REDIC1: variants seen among roughly 807,000 people sequenced by gnomAD.
REDIC1 encodes regulator of DNA class I crossover intermediates 1.
At chr12:39,816,048 G>A in the REDIC1 span, among the ~76,000 whole-genome samples, 1 of 152,078 alleles carries the variant, frequency 6.6e-6, no homozygotes. Context: ...AAATCCTAAC[G>A]GTAACATTTA....
the REDIC1 span, among the ~76,000 whole-genome samples, chr12:39,781,604 A>G: frequency 6.6e-6 from 1 of 152,248 alleles, no homozygotes; most frequent in African/African-American, 2.4e-5. Flanking sequence ...TAAGGAGAGA[A>G]TGAATAAGTC....
chr12:39,659,150 G>A, the REDIC1 span, among the ~76,000 whole-genome samples: 2 of 151,922 alleles, frequency 1.3e-5, no homozygotes, highest in Admixed American at 6.5e-5. Context: ...TTGACTTGGT[G>A]TAGTTTCCAA....
the REDIC1 span, among the ~76,000 whole-genome samples, chr12:39,896,694 G>T: frequency 2.0e-5 from 3 of 151,744 alleles, no homozygotes; most frequent in African/African-American, 7.3e-5. Context: ...CTCGTTATCT[G>T]CAATTTAAGA....
At chr12:39,808,929 T>C in the REDIC1 span, among the ~76,000 whole-genome samples, 1 of 152,044 alleles carries the variant, frequency 6.6e-6, no homozygotes, top group South Asian at 2.1e-4. Flanking sequence ...TGAACTCCAA[T>C]ATATCAATTT....
chr12:39,873,953 A>C, the REDIC1 span, among the ~76,000 whole-genome samples: 1 of 152,198 alleles, frequency 6.6e-6, no homozygotes, highest in Non-Finnish European at 1.5e-5. Context: ...TTAAGTACCT[A>C]GTGTATAAGC....
At chr12:39,666,608 T>C in the REDIC1 span, among the ~76,000 whole-genome samples, 1 of 152,250 alleles carries the variant, frequency 6.6e-6, no homozygotes, top group African/African-American at 2.4e-5. Flanking sequence ...ATTCCCTCTT[T>C]TTCTACTGAT....
the REDIC1 span, among the ~76,000 whole-genome samples, chr12:39,810,539 C>T: frequency 6.6e-6 from 1 of 152,102 alleles, no homozygotes; most frequent in African/African-American, 2.4e-5. Flanking sequence ...TAAGAGTAGA[C>T]ATTCTCACCT....
the REDIC1 span, among the ~76,000 whole-genome samples, chr12:39,645,167 C>T: frequency 5.3e-5 from 8 of 151,948 alleles, no homozygotes; most frequent in African/African-American, 1.9e-4. Context: ...CTGAGAGTAA[C>T]CTTCCTGCTT....
At chr12:39,760,217 C>G in the REDIC1 span, 1 of 1,612,462 alleles carries the variant, frequency 6.2e-7, no homozygotes, top group Non-Finnish European at 8.5e-7. Flanking sequence ...AAAAGGAGTC[C>G]CACAGCAGCA....
the REDIC1 span, among the ~76,000 whole-genome samples, chr12:39,855,826 C>A: frequency 6.6e-6 from 1 of 152,128 alleles, no homozygotes; most frequent in South Asian, 2.1e-4. Context: ...CTGGATGTTA[C>A]AGTTGAAGAG....
chr12:39,639,619 G>A, the REDIC1 span, among the ~76,000 whole-genome samples: 2 of 152,012 alleles, frequency 1.3e-5, no homozygotes, highest in African/African-American at 4.8e-5. Flanking sequence ...TTTATAAGCA[G>A]TGTGATCTTG....
chr12:39,783,505 T>C, the REDIC1 span, among the ~76,000 whole-genome samples: 1 of 152,186 alleles, frequency 6.6e-6, no homozygotes, highest in African/African-American at 2.4e-5. Context: ...AAAGTGTTCC[T>C]ATTACCCCAC....
chr12:39,713,744 T>C, the REDIC1 span, among the ~76,000 whole-genome samples: 3 of 149,488 alleles, frequency 2.0e-5, no homozygotes, highest in African/African-American at 7.3e-5. Flanking sequence ...TACATATGTA[T>C]ATATACATGT....
chr12:39,663,744 CAGTT>C, the REDIC1 span, among the ~76,000 whole-genome samples: 1 of 151,816 alleles, frequency 6.6e-6, no homozygotes, highest in Non-Finnish European at 1.5e-5. Context: ...TTTGCTCTAC[CAGTT>C]AGTTTTATAC....
At chr12:39,723,386 G>A in the REDIC1 span, among the ~76,000 whole-genome samples, 2 of 152,114 alleles carry the variant, frequency 1.3e-5, no homozygotes, top group East Asian at 3.9e-4. Context: ...CTTCACAGTT[G>A]CTAATTCCTT....
At chr12:39,762,205 A>G in the REDIC1 span, among the ~76,000 whole-genome samples, 1 of 152,044 alleles carries the variant, frequency 6.6e-6, no homozygotes, top group Non-Finnish European at 1.5e-5. Context: ...GACCTGGTCC[A>G]TGTCATGGTC....
the REDIC1 span, among the ~76,000 whole-genome samples, chr12:39,783,492 G>T: frequency 5.9e-5 from 9 of 152,156 alleles, no homozygotes; most frequent in Non-Finnish European, 1.0e-4. Flanking sequence ...CACCAACAGT[G>T]TAAAAGTGTT....
the REDIC1 span, among the ~76,000 whole-genome samples, chr12:39,741,735 G>A: frequency 1.3e-5 from 2 of 152,194 alleles, no homozygotes; most frequent in South Asian, 2.1e-4. Flanking sequence ...ATATCTTTAA[G>A]TGGGGGCTTA....
chr12:39,704,200 C>G, the REDIC1 span, among the ~76,000 whole-genome samples: 1 of 151,912 alleles, frequency 6.6e-6, no homozygotes, highest in East Asian at 1.9e-4. Context: ...TATCCAGAAT[C>G]TACAATGAAC....
Sources: allele counts gnomAD v4.1 joint callset (sites outside exome capture counted in the v4.1 genomes callset), GRCh38; gene constraint gnomAD v4.1.1; transcripts MANE v1.5; gene names NCBI Gene and HGNC (gene_info 2026-07-23, HGNC 2026-07-21).